The following GALC variants were observed in gnomAD, a reference collection of about 807,000 sequenced individuals.
GALC encodes the protein galactosylceramidase, also known as galactocerebrosidase.
In GALC, 77 loss-of-function variants were observed where a neutral mutation model predicts 91.8. The ratio of observed to expected loss-of-function variants is 0.84; its 90% CI spans 0.70 to 1.01. The LOEUF is 1.01. Among genes scored for constraint, GALC ranks in the 50% least tolerant of loss-of-function variants. GALC has a pLI of 0.00. For missense variants in GALC, 882 were observed against 855.9 expected, an observed-to-expected ratio of 1.03 and a Z score of -0.38; for synonymous variants, 357 against 306.7, an observed-to-expected ratio of 1.16 and a Z score of -1.71.
Position 87,941,356 on chromosome 14 carries a change from A to G in GALC, c.1834+39T>C, listed in dbSNP as rs370579937. On this transcript the variant is annotated intron_variant, in intron 15 of 16. Transcript: ENST00000261304. ...GTAGGTGCTCAAAGTAACATAGCCC[A>G]TAAGTCATATGCTATTAAAAAAAAA... The G allele has an allele frequency of 7.1e-5, 90 of 1,273,386 alleles. No individual in the cohort carries two copies. In the African/African-American group the frequency reaches 1.1e-3, roughly 16 times the overall value. 78.9% of individuals were successfully genotyped at this position (1,273,386 alleles called of 1,614,324 possible). A position where few individuals can be genotyped will look rare whatever the true frequency, so the allele number is the denominator to read the frequency against.
Position 87,984,707 on chromosome 14 carries a change from T to C in GALC, c.443-174A>G, listed in dbSNP as rs1886898793. ...AATTATTGAAATCCTTTCCAATCTA[T>C]AGACACTATAATTCCTTATTGATCC... On this transcript the variant is annotated intron_variant, in intron 4 of 16. Coordinates refer to ENST00000261304, the MANE Select transcript of GALC (RefSeq NM_000153.4). Among the ~76,000 whole-genome samples, 4 of 152,244 alleles carry C rather than the reference T, an allele frequency of 2.6e-5. No homozygotes were observed. In the South Asian group the frequency reaches 8.3e-4, roughly 32 times the overall value.
chr14:87,992,667 T>G (rs1887256008), intron 1 of GALC: 2 of 1,438,518 alleles, frequency 1.4e-6, no homozygotes, highest in African/African-American at 2.9e-5. Flanking sequence ...GGGACGAGGG[T>G]TCCAGCCCCG....
rs1427747146 is a variant in GALC at position 87,993,131 on chromosome 14, G to A, written c.34C>T (p.Arg12Cys). 1.9e-6 allele frequency: 3 copies of A among 1,584,564 alleles called. No individual in the cohort carries two copies. Among genetic ancestry groups the A allele is most frequent in the East Asian group, 2.3e-5 (1 of 43,420 alleles). The change falls in exon 1 of 17, where the codon CGC (arginine) becomes TGC (cysteine). Residue 12 changes from arginine to cysteine, a missense_variant. Transcript: ENST00000261304. ...AEWLLSASWQ[R>C]RAKAMTAAAG... ...GCCGCAGTCATAGCTTTCGCTCGGC[G>A]TTGCCAGGAAGCCGAGAGTAGCCAC...
intron 10 of GALC, 64 bp downstream of exon 10, chr14:87,963,320 T>G (rs758373143): frequency 6.6e-7 from 1 of 1,513,516 alleles, no homozygotes; most frequent in Non-Finnish European, 9.2e-7. Context: ...AGTATTCAGT[T>G]TTATATTTTA....
chr14:87,934,652 A>C lies in GALC; in HGVS notation c.*80T>G. 1 of 1,608,074 alleles carries C rather than the reference A, an allele frequency of 6.2e-7. No individual in the cohort carries two copies. The highest frequency in any genetic ancestry group is 8.5e-7 in the Non-Finnish European group (1 of 1,177,672). The stretch of plus-strand genomic sequence containing the variant: ...CTCAAAAGCCTCATATACTGTTCCA[A>C]TGAAACAAGAATTGGCTCTGAACCA... On this transcript the variant is annotated 3_prime_UTR_variant, in exon 17 of 17. Transcript: ENST00000261304.
In GALC at chr14:87,968,346, G is replaced by C. The variant is rs2140001425; in HGVS notation, c.897C>G (p.Gly299=). ...GRILNQNYIN[G]YMTSTIAWNL... The stretch of plus-strand genomic sequence containing the variant: ...TTTTAATAACTTACGAAGTCATATA[G>C]CCATTGATATAATTCTGATTTAAAA... Residue 299 remains glycine, a synonymous_variant, in exon 8 of 17, where the codon GGC becomes GGG. Coordinates refer to ENST00000261304, the MANE Select transcript of GALC (RefSeq NM_000153.4). The C allele has an allele frequency of 6.2e-7, 1 of 1,612,310 alleles. No homozygotes were observed. Among genetic ancestry groups the C allele is most frequent in the Non-Finnish European group, 8.5e-7 (1 of 1,178,978 alleles).
chr14:87,935,618 A>T (rs1454339056), intron 16 of GALC, among the ~76,000 whole-genome samples: 1 of 152,046 alleles, frequency 6.6e-6, no homozygotes. Flanking sequence ...GTAAACAATA[A>T]ATCTCAGCTC....
rs143418406 is a variant in GALC, at chr14:87,974,100, C to T, written c.752+2258G>A. ...AAAGACAATATAGTAGTATAGAAAA[C>T]ACAAACATCAGTTATATTTAAAAAT... On this transcript the variant is annotated intron_variant, in intron 7 of 16. Transcript: ENST00000261304. Among the ~76,000 whole-genome samples the T allele has an allele frequency of 3.4e-3, 515 of 152,108 alleles. 3 individuals carry two copies. Among genetic ancestry groups the T allele is most frequent in the African/African-American group, 0.012 (493 of 41,494 alleles).
intron 9 of GALC, among the ~76,000 whole-genome samples, chr14:87,964,818 T>C (rs1885963466): frequency 1.3e-5 from 2 of 152,296 alleles, no homozygotes; most frequent in African/African-American, 2.4e-5. Context: ...ATTTGTGCTA[T>C]GTTGACTTTT....
intron 7 of GALC, 107 bp downstream of exon 7, chr14:87,976,251 C>G (rs1886485929): frequency 1.7e-6 from 2 of 1,186,246 alleles, no homozygotes; most frequent in Non-Finnish European, 2.5e-6. Flanking sequence ...TACAGGAGAG[C>G]TACCTTCTGA....
In GALC at chr14:87,934,893, AAC is replaced by A. The variant is rs770352387; in HGVS notation, c.1912-17_1912-16del. 29 of 1,573,862 alleles carry A rather than the reference AAC, an allele frequency of 1.8e-5. No homozygotes were observed. The African/African-American group carries it at 3.4e-4, about 18-fold the overall frequency. ...GTGAAATGACCCTAGAGTAGAAAGA[AAC>A]ACATTCCTTGAAACCATATGAAAAT... On this transcript the variant is annotated splice_polypyrimidine_tract_variant and intron_variant, in intron 16 of 16. Coordinates refer to ENST00000261304, the MANE Select transcript of GALC (RefSeq NM_000153.4).
chr14:87,941,366 T>C (rs903307258), intron 15 of GALC, 29 bp downstream of exon 15: 3 of 1,327,696 alleles, frequency 2.3e-6, no homozygotes, highest in Non-Finnish European at 3.2e-6. Context: ...ATAAGTCATA[T>C]GCTATTAAAA....
intron 7 of GALC, among the ~76,000 whole-genome samples, chr14:87,971,014 G>A (rs1191447968): frequency 1.3e-5 from 2 of 151,704 alleles, no homozygotes; most frequent in Non-Finnish European, 2.9e-5. Context: ...CAACTTTATA[G>A]TTTATCCTAA....
chr14:87,941,665 G>C, intron 14 of GALC, 107 bp from the exon 15 acceptor site: 1 of 838,620 alleles, frequency 1.2e-6, no homozygotes. Flanking sequence ...ATTGAGGTGA[G>C]AATGTGATTT....
intron 14 of GALC, among the ~76,000 whole-genome samples, chr14:87,942,789 T>TAA (rs1363972841): frequency 1.3e-5 from 2 of 152,018 alleles, no homozygotes; most frequent in Non-Finnish European, 2.9e-5. Flanking sequence ...AATCCACACT[T>TAA]AATTATCTAA....
At chr14:87,951,668 A>C (rs893798842) in intron 10 of GALC, among the ~76,000 whole-genome samples, 10 of 152,088 alleles carry the variant, frequency 6.6e-5, no homozygotes, top group Admixed American at 6.6e-4. Flanking sequence ...ATTAAATCAG[A>C]AATGAATAAC....
chr14:87,936,172 C>T (rs1236606733), intron 16 of GALC, among the ~76,000 whole-genome samples: 2 of 152,026 alleles, frequency 1.3e-5, no homozygotes, highest in South Asian at 2.1e-4. Context: ...AATTGTTCTT[C>T]CCAGCATTCA....
intron 10 of GALC, among the ~76,000 whole-genome samples, chr14:87,958,744 A>G (rs1282898557): frequency 6.6e-6 from 1 of 152,112 alleles, no homozygotes; most frequent in Non-Finnish European, 1.5e-5. Context: ...CACGCTAGGA[A>G]AAAGGACAGT....
intron 10 of GALC, chr14:87,955,288 G>A: frequency 1.5e-6 from 1 of 667,864 alleles, no homozygotes; most frequent in Non-Finnish European, 2.6e-6. Context: ...TAGGGTTTTT[G>A]CTTTGGATTT....
Sources: gnomAD v4.1 joint callset for allele counts (sites outside exome capture counted in the v4.1 genomes callset) on GRCh38, gnomAD v4.1.1 for gene constraint, MANE v1.5 for transcripts, NCBI Gene and HGNC (gene_info 2026-07-23, HGNC 2026-07-21) for gene names.